The following SGPP2 variants were observed in gnomAD, a reference collection of about 807,000 sequenced individuals.
SGPP2 encodes the protein sphingosine 1-phosphate phosphohydrolase 2.
A neutral mutation model predicts 33.9 loss-of-function variants in SGPP2; 30 were observed. The observed-to-expected ratio is 0.89, with a 90% CI of 0.66 to 1.20. SGPP2 has a LOEUF of 1.20. Ranked by LOEUF, SGPP2 falls within the 50% of genes most tolerant of loss-of-function variation. The probability of loss-of-function intolerance (pLI) is 0.00; values close to 1 mark genes in which losing one functional copy is unlikely to be tolerated. For missense variants in SGPP2, 458 were observed against 532.1 expected, an observed-to-expected ratio of 0.86 and a Z score of 1.37; for synonymous variants, 233 against 225.0, an observed-to-expected ratio of 1.04 and a Z score of -0.32.
chr2:222,547,908 A>T (rs1689230177), intron 4 of SGPP2, among the ~76,000 whole-genome samples: 1 of 152,342 alleles, frequency 6.6e-6, no homozygotes, highest in East Asian at 1.9e-4. Flanking sequence ...TATTAAATTC[A>T]TTAATTAATG....
At chr2:222,467,513 C>T (rs775786316) in intron 1 of SGPP2, among the ~76,000 whole-genome samples, 64 of 152,134 alleles carry the variant, frequency 4.2e-4, no homozygotes, top group East Asian at 3.9e-4. Context: ...TGAAATTATC[C>T]GGGTAGGGAG....
intron 1 of SGPP2, among the ~76,000 whole-genome samples, chr2:222,467,881 C>A (rs902925052): frequency 1.5e-5 from 2 of 129,916 alleles, no homozygotes; most frequent in African/African-American, 5.7e-5. Flanking sequence ...GAACTCCTGG[C>A]TCTGTTGAAG....
rs139585165 is a variant in SGPP2 at position 222,465,118 on chromosome 2, C to T, written c.220-9450C>T. Among the ~76,000 whole-genome samples the T allele has an allele frequency of 6.1e-3, 930 of 152,304 alleles. 10 individuals carry two copies. Among genetic ancestry groups the T allele is most frequent in the African/African-American group, 0.021 (865 of 41,546 alleles). ...GACGCAGCAGAGGGATCCCGACAAA[C>T]GCCCACTAAGCAGGTGACAGTGATG... On this transcript the variant is annotated intron_variant, in intron 1 of 4. Coordinates refer to ENST00000321276, the MANE Select transcript of SGPP2 (RefSeq NM_152386.4). The surrounding 1 kb of genome is among the most constrained non-coding windows in gnomAD (Gnocchi z 4.1).
At chr2:222,501,268 A>G (rs184166013) in intron 2 of SGPP2, among the ~76,000 whole-genome samples, 14 of 152,224 alleles carry the variant, frequency 9.2e-5, no homozygotes, top group Admixed American at 9.2e-4. Flanking sequence ...TGGACAGATG[A>G]GGTTGCTGCT....
intron 4 of SGPP2, among the ~76,000 whole-genome samples, chr2:222,543,421 G>T (rs912094524): frequency 6.6e-6 from 1 of 152,140 alleles, no homozygotes; most frequent in Non-Finnish European, 1.5e-5. Context: ...GTCTGAAACT[G>T]CAGGTAGTAC....
chr2:222,511,829 C>T (rs954369981), intron 2 of SGPP2, among the ~76,000 whole-genome samples: 2 of 151,928 alleles, frequency 1.3e-5, no homozygotes, highest in Non-Finnish European at 2.9e-5. Context: ...AGGTGTTCCC[C>T]ACCACACCCG....
intron 2 of SGPP2, among the ~76,000 whole-genome samples, chr2:222,490,263 A>C (rs1194373862): frequency 6.6e-6 from 1 of 152,206 alleles, no homozygotes; most frequent in Non-Finnish European, 1.5e-5. Flanking sequence ...TTCAGGAAAT[A>C]TACTTGGTAA....
intron 2 of SGPP2, among the ~76,000 whole-genome samples, chr2:222,518,958 A>C (rs1698644965): frequency 6.6e-6 from 1 of 152,238 alleles, no homozygotes. Context: ...GAAAGAAAGC[A>C]CAAGAATGTG....
intron 1 of SGPP2, among the ~76,000 whole-genome samples, chr2:222,469,330 T>A (rs12476795): frequency 1.3e-5 from 2 of 151,956 alleles, no homozygotes; most frequent in African/African-American, 4.8e-5. Flanking sequence ...ATTACAGACA[T>A]GTGCCACCAT....
At chr2:222,558,041 TTA>T (rs747072537) in intron 4 of SGPP2, among the ~76,000 whole-genome samples, 2 of 152,190 alleles carry the variant, frequency 1.3e-5, no homozygotes, top group Non-Finnish European at 2.9e-5. Context: ...AATACTAGAT[TTA>T]TATAAGTTTG....
intron 4 of SGPP2, among the ~76,000 whole-genome samples, chr2:222,540,294 A>G (rs1388312598): frequency 1.3e-5 from 2 of 152,172 alleles, no homozygotes; most frequent in Non-Finnish European, 2.9e-5. Context: ...ATTTTTAATC[A>G]CATATGCAAC....
chr2:222,468,512 TTGAC>T (rs1697785901), intron 1 of SGPP2, among the ~76,000 whole-genome samples: 1 of 152,236 alleles, frequency 6.6e-6, no homozygotes, highest in African/African-American at 2.4e-5. Context: ...ACACTTTGTT[TTGAC>T]TGAAAGCTAT....
At chr2:222,472,669 T>C (rs994477444) in intron 1 of SGPP2, among the ~76,000 whole-genome samples, 10 of 152,342 alleles carry the variant, frequency 6.6e-5, no homozygotes, top group African/African-American at 2.4e-4. Context: ...TCTAATCTTG[T>C]GGCCTTTCAT....
chr2:222,492,869 T>C (rs915634891), intron 2 of SGPP2, among the ~76,000 whole-genome samples: 2 of 152,208 alleles, frequency 1.3e-5, no homozygotes, highest in South Asian at 2.1e-4. Flanking sequence ...GCAGTCTCTT[T>C]GTTTAAAGCA....
chr2:222,452,426 T>G (rs561166099), intron 1 of SGPP2: 250 of 774,618 alleles, frequency 3.2e-4, no homozygotes, highest in Non-Finnish European at 5.2e-4. Flanking sequence ...TGTATGTTCA[T>G]GGAGTAGTTT....
chr2:222,442,060 A>G (rs557080629), intron 1 of SGPP2, among the ~76,000 whole-genome samples: 2 of 152,324 alleles, frequency 1.3e-5, no homozygotes, highest in Non-Finnish European at 2.9e-5. Flanking sequence ...GTTCTTTTGC[A>G]CTAATGGGAA....
intron 1 of SGPP2, among the ~76,000 whole-genome samples, chr2:222,472,092 A>G (rs139724549): frequency 6.6e-6 from 1 of 152,312 alleles, no homozygotes; most frequent in African/African-American, 2.4e-5. Context: ...TTCTCACACC[A>G]TCATTGTGAT....
rs1394275776 is a variant in SGPP2, at chr2:222,460,691, G to A, written c.220-13877G>A. Among the ~76,000 whole-genome samples the A allele has an allele frequency of 3.3e-5, 5 of 152,022 alleles. No homozygotes were observed. Among genetic ancestry groups the A allele is most frequent in the Non-Finnish European group, 5.9e-5 (4 of 68,002 alleles). ...CTCCACTTCTAGCTCTGCTGCCTACGACTCCCTTTACAAATCCCTCACACC... is the reference window on the plus strand; with the variant it reads ...CTCCACTTCTAGCTCTGCTGCCTACAACTCCCTTTACAAATCCCTCACACC... On this transcript the variant is annotated intron_variant, in intron 1 of 4. Coordinates refer to ENST00000321276, the MANE Select transcript of SGPP2 (RefSeq NM_152386.4). This position sits in a 1 kb window ranked among gnomAD's most constrained non-coding sequence, Gnocchi z 4.3.
At chr2:222,527,068 G>C (rs894520591) in intron 4 of SGPP2, among the ~76,000 whole-genome samples, 5 of 152,174 alleles carry the variant, frequency 3.3e-5, no homozygotes, top group African/African-American at 4.8e-5. Context: ...ACAGAGATGA[G>C]TAAAGAGTAC....
Sources: allele counts gnomAD v4.1 joint callset (sites outside exome capture counted in the v4.1 genomes callset), GRCh38; gene constraint gnomAD v4.1.1; non-coding constraint Gnocchi (gnomAD v3.1); transcripts MANE v1.5; gene names NCBI Gene and HGNC (gene_info 2026-07-23, HGNC 2026-07-21).